Variants in CCDC60 observed in about 807,000 individuals in gnomAD.
CCDC60 encodes coiled-coil domain containing 60.
In CCDC60, 54 loss-of-function variants were observed where a neutral mutation model predicts 63.5. That is an observed-to-expected ratio of 0.85 (90% CI 0.68 to 1.07). The LOEUF is 1.07. Among genes scored for constraint, CCDC60 ranks in the 50% least tolerant of loss-of-function variants. The probability of loss-of-function intolerance (pLI) is 0.00; values close to 1 mark genes in which losing one functional copy is unlikely to be tolerated. For synonymous variants in CCDC60, 206 were observed against 238.8 expected (o/e 0.86, Z 1.27); for missense variants, 651 against 684.3 (o/e 0.95, Z 0.54).
chr12:119,459,604 T>C (rs561402483), intron 2 of CCDC60, among the ~76,000 whole-genome samples: 1 of 152,328 alleles, frequency 6.6e-6, no homozygotes, highest in East Asian at 1.9e-4. Flanking sequence ...CTCCTATAGA[T>C]AACAACTCTA....
chr12:119,409,096 G>C (rs1956546979), intron 1 of CCDC60, among the ~76,000 whole-genome samples: 1 of 152,204 alleles, frequency 6.6e-6, no homozygotes, highest in Non-Finnish European at 1.5e-5. Context: ...ACAAGAGTGT[G>C]AGTACCAGGA....
chr12:119,513,674 T>C (rs1022309879), intron 7 of CCDC60, among the ~76,000 whole-genome samples: 5 of 152,218 alleles, frequency 3.3e-5, no homozygotes, highest in Non-Finnish European at 7.3e-5. Context: ...TATACGACAG[T>C]GGTCCCATAA....
intron 1 of CCDC60, among the ~76,000 whole-genome samples, chr12:119,407,613 C>T (rs953646733): frequency 1.3e-5 from 2 of 152,128 alleles, no homozygotes; most frequent in African/African-American, 2.4e-5. Flanking sequence ...TAAGAAAGCC[C>T]GAGATTGTTG....
chr12:119,380,614 T>C (rs11064767), intron 1 of CCDC60, among the ~76,000 whole-genome samples: 11,314 of 152,326 alleles, frequency 0.074, 538 homozygotes, highest in Middle Eastern at 0.16. Context: ...CAGTGTTACA[T>C]AGACATTAAC....
At chr12:119,498,411 C>A (rs995385570) in intron 5 of CCDC60, among the ~76,000 whole-genome samples, 1 of 152,152 alleles carries the variant, frequency 6.6e-6, no homozygotes, top group Non-Finnish European at 1.5e-5. Flanking sequence ...CGGCTCACTG[C>A]AACCTCCGCC....
intron 7 of CCDC60, among the ~76,000 whole-genome samples, chr12:119,509,323 G>A (rs1378245360): frequency 6.6e-6 from 1 of 152,094 alleles, no homozygotes; most frequent in African/African-American, 2.4e-5. Context: ...AAACACTCTT[G>A]GCCAGATATG....
chr12:119,398,525 A>G (rs1956327928), intron 1 of CCDC60, among the ~76,000 whole-genome samples: 1 of 152,232 alleles, frequency 6.6e-6, no homozygotes, highest in Non-Finnish European at 1.5e-5. Context: ...AAGCGCGGCC[A>G]GAGTAGGCAC....
At chr12:119,480,751 CTCACCATCATCATCA>C (rs1368890270) in intron 4 of CCDC60, among the ~76,000 whole-genome samples, 13 of 112,066 alleles carry the variant, frequency 1.2e-4, no homozygotes, top group East Asian at 5.9e-4. Context: ...CACCATCATC[CTCACCATCATCATCA>C]TCACCATCAT....
rs1451919714 is a variant in CCDC60, at chr12:119,410,785, C to G, written c.91-17898C>G. On this transcript the variant is annotated intron_variant, in intron 1 of 13. Coordinates refer to ENST00000327554, the MANE Select transcript of CCDC60 (RefSeq NM_178499.5). The surrounding 1 kb of genome is among the most constrained non-coding windows in gnomAD (Gnocchi z 4.0). ...TGAGACAGAGTCTCGCTCTGTCACT[C>G]GGGCTGCAGTGCGGTGGCGCGATCT... Among the ~76,000 whole-genome samples the G allele has an allele frequency of 6.6e-6, 1 of 152,214 alleles. No individual in the cohort carries two copies. The highest frequency in any genetic ancestry group is 2.4e-5 in the African/African-American group (1 of 41,460).
At chr12:119,502,985 A>T (rs112399157) in intron 6 of CCDC60, among the ~76,000 whole-genome samples, 1 of 152,302 alleles carries the variant, frequency 6.6e-6, no homozygotes, top group African/African-American at 2.4e-5. Context: ...CCTGGGCAAC[A>T]TGGTGAAACC....
chr12:119,402,033 G>A (rs911045159), intron 1 of CCDC60, among the ~76,000 whole-genome samples: 2 of 152,148 alleles, frequency 1.3e-5, no homozygotes, highest in African/African-American at 2.4e-5. Context: ...CACACATCAC[G>A]TCCATCACTG....
chr12:119,454,000 C>T (rs939905136), intron 2 of CCDC60, among the ~76,000 whole-genome samples: 5 of 152,120 alleles, frequency 3.3e-5, no homozygotes. Context: ...TACTAATTGC[C>T]TCTCATATAT....
intron 1 of CCDC60, among the ~76,000 whole-genome samples, chr12:119,372,146 G>C (rs1955904375): frequency 6.6e-6 from 1 of 152,118 alleles, no homozygotes; most frequent in African/African-American, 2.4e-5. Context: ...TGAATTCCCA[G>C]CTACTCGGGA....
At chr12:119,371,883 G>A (rs112380142) in intron 1 of CCDC60, among the ~76,000 whole-genome samples, 115 of 152,316 alleles carry the variant, frequency 7.6e-4, no homozygotes, top group African/African-American at 2.7e-3. Flanking sequence ...GAGTCTCTGT[G>A]ATGATGCCAC....
intron 2 of CCDC60, among the ~76,000 whole-genome samples, chr12:119,469,032 G>A (rs996801361): frequency 2.0e-5 from 3 of 151,832 alleles, no homozygotes; most frequent in Admixed American, 2.0e-4. Context: ...TATATATTCT[G>A]TTCAAACCAA....
chr12:119,412,801 C>A lies in CCDC60; in HGVS notation c.91-15882C>A, dbSNP rs978278342. Among the ~76,000 whole-genome samples, 24 of 123,220 alleles carry A rather than the reference C, an allele frequency of 1.9e-4. 1 individual carries two copies. The highest frequency in any genetic ancestry group is 6.5e-4 in the African/African-American group (21 of 32,550). 80.8% of individuals were successfully genotyped at this position (123,220 alleles called of 152,430 possible). On this transcript the variant is annotated intron_variant, in intron 1 of 13. Coordinates refer to ENST00000327554, the MANE Select transcript of CCDC60 (RefSeq NM_178499.5). Reference sequence around the variant, plus strand: ...CCCCCATGCAGGAATGGTAATGGGGCACATTGATGCTGCTGTTCCTTACTG... The same window carrying A: ...CCCCCATGCAGGAATGGTAATGGGGAACATTGATGCTGCTGTTCCTTACTG...
At chr12:119,362,831 G>A (rs973018409) in intron 1 of CCDC60, among the ~76,000 whole-genome samples, 4 of 152,208 alleles carry the variant, frequency 2.6e-5, no homozygotes, top group African/African-American at 9.7e-5. Context: ...CCACAAGGTG[G>A]CTCAGGCCTA....
chr12:119,339,549 G>C (rs879850317), intron 1 of CCDC60, among the ~76,000 whole-genome samples: 32 of 152,268 alleles, frequency 2.1e-4, no homozygotes, highest in Non-Finnish European at 3.5e-4. Context: ...CTTTGGGGGG[G>C]GCCGAGGCAG....
At chr12:119,431,900 C>T (rs1048570663) in intron 2 of CCDC60, among the ~76,000 whole-genome samples, 4 of 152,136 alleles carry the variant, frequency 2.6e-5, no homozygotes, top group Non-Finnish European at 5.9e-5. Context: ...AGGATGATCT[C>T]GATCTCCTGA....
Sources: gnomAD v4.1 joint callset for allele counts (sites outside exome capture counted in the v4.1 genomes callset) on GRCh38, gnomAD v4.1.1 for gene constraint, Gnocchi (gnomAD v3.1) non-coding constraint, MANE v1.5 for transcripts, NCBI Gene and HGNC (gene_info 2026-07-23, HGNC 2026-07-21) for gene names.